The following LRRC37A2 variants were observed in gnomAD, a reference collection of about 807,000 sequenced individuals.
The protein encoded by LRRC37A2 is leucine-rich repeat-containing protein 37A2.
A neutral mutation model predicts 68.8 loss-of-function variants in LRRC37A2; 9 were observed. The observed-to-expected ratio is 0.13, with a 90% CI of 0.08 to 0.23. The LOEUF (loss-of-function observed/expected upper bound fraction) is 0.23, where lower values mean the gene tolerates loss of function less well. Among genes scored for constraint, LRRC37A2 ranks in the 10% least tolerant of loss-of-function variants. LRRC37A2 has a pLI of 1.00. For synonymous variants in LRRC37A2, 63 were observed against 367.6 expected (o/e 0.17, Z 9.48); for missense variants, 168 against 950.4 (o/e 0.18, Z 10.82).
chr17:46,848,932 G>GCA, the LRRC37A2 span, among the ~76,000 whole-genome samples: 7,589 of 146,272 alleles, frequency 0.052, 615 homozygotes, highest in African/African-American at 0.17. Flanking sequence ...GTGTGCACGT[G>GCA]CACACACACA....
At chr17:46,881,365 C>T in the LRRC37A2 span, among the ~76,000 whole-genome samples, 2 of 152,258 alleles carry the variant, frequency 1.3e-5, no homozygotes, top group Admixed American at 6.5e-5. Flanking sequence ...ATGACAGACA[C>T]GTCCACATGC....
chr17:46,823,182 A>ATAATATATT, the LRRC37A2 span, among the ~76,000 whole-genome samples: 2 of 127,868 alleles, frequency 1.6e-5, no homozygotes, highest in Non-Finnish European at 3.1e-5. Flanking sequence ...ATTTATATAT[A>ATAATATATT]ATATATTATA....
the LRRC37A2 span, among the ~76,000 whole-genome samples, chr17:46,846,253 G>A: frequency 1.6e-4 from 24 of 152,218 alleles, no homozygotes; most frequent in African/African-American, 5.8e-4. Context: ...GGCAGGGTTT[G>A]TAGCCATCAA....
chr17:46,679,140 A>T, the LRRC37A2 span, among the ~76,000 whole-genome samples: 3 of 152,044 alleles, frequency 2.0e-5, no homozygotes, highest in South Asian at 2.1e-4. Context: ...TTACCATAAA[A>T]ATCAGATTGT....
the LRRC37A2 span, chr17:47,027,440 CG>C: frequency 2.4e-5 from 14 of 579,928 alleles, no homozygotes; most frequent in Admixed American, 3.4e-4. Flanking sequence ...CAAGTCCAAA[CG>C]TTTAGAGTTG....
At chr17:46,855,688 C>T in the LRRC37A2 span, among the ~76,000 whole-genome samples, 1 of 152,186 alleles carries the variant, frequency 6.6e-6, no homozygotes, top group Admixed American at 6.5e-5. Context: ...GCCCAGTTAC[C>T]CAATCCAGTC....
chr17:46,837,707 A>G, the LRRC37A2 span, among the ~76,000 whole-genome samples: 2 of 151,944 alleles, frequency 1.3e-5, no homozygotes, highest in Admixed American at 1.3e-4. Flanking sequence ...TGCCTGGGGG[A>G]AGGTTTGGAG....
the LRRC37A2 span, among the ~76,000 whole-genome samples, chr17:47,003,588 C>T: frequency 0.66 from 100,113 of 152,196 alleles, 33,451 homozygotes; most frequent in East Asian, 0.82. Flanking sequence ...TGGAAGGATG[C>T]GTTTCTCACA....
At chr17:46,876,895 G>A in the LRRC37A2 span, 64 of 1,378,946 alleles carry the variant, frequency 4.6e-5, no homozygotes, top group Non-Finnish European at 5.8e-5. Context: ...TGCCTCCCTC[G>A]ATACTCAACA....
At chr17:46,956,508 G>A in the LRRC37A2 span, among the ~76,000 whole-genome samples, 1 of 151,866 alleles carries the variant, frequency 6.6e-6, no homozygotes, top group Admixed American at 6.6e-5. Flanking sequence ...CTACTGGTTG[G>A]CCAGGCTAGT....
the LRRC37A2 span, among the ~76,000 whole-genome samples, chr17:46,478,380 GT>G: frequency 2.0e-4 from 15 of 75,492 alleles, 1 homozygote; most frequent in Non-Finnish European, 4.2e-4. Context: ...CTTTGGTTTT[GT>G]TTTTTTTGCA....
At chr17:46,768,641 G>A in the LRRC37A2 span, 1 of 1,614,156 alleles carries the variant, frequency 6.2e-7, no homozygotes, top group Non-Finnish European at 8.5e-7. This position sits in a 1 kb window ranked among gnomAD's most constrained non-coding sequence, Gnocchi z 5.0. Context: ...GGGACTCACG[G>A]TGCTTCTCTA....
the LRRC37A2 span, chr17:46,875,499 C>A: frequency 8.1e-7 from 1 of 1,235,052 alleles, no homozygotes; most frequent in Non-Finnish European, 1.1e-6. Context: ...GCAGGATGAA[C>A]TTCACGTCTT....
At chr17:46,750,738 G>C in the LRRC37A2 span, among the ~76,000 whole-genome samples, 1 of 152,096 alleles carries the variant, frequency 6.6e-6, no homozygotes, top group Non-Finnish European at 1.5e-5. Context: ...GTGGTGGTGT[G>C]GGGGTAAGGT....
At chr17:46,800,539 C>G in the LRRC37A2 span, among the ~76,000 whole-genome samples, 3 of 152,228 alleles carry the variant, frequency 2.0e-5, no homozygotes, top group African/African-American at 7.2e-5. Flanking sequence ...GAAGACAAGA[C>G]AGATGCACAT....
At chr17:46,941,745 T>A in the LRRC37A2 span, 1 of 174,938 alleles carries the variant, frequency 5.7e-6, no homozygotes, top group Admixed American at 6.5e-5. Context: ...GGCTAATTTT[T>A]TTTTTTTTTT....
chr17:46,392,324 T>C, the LRRC37A2 span, among the ~76,000 whole-genome samples: 21 of 71,296 alleles, frequency 2.9e-4, 5 homozygotes, highest in Admixed American at 7.9e-4. Flanking sequence ...CCTCTCACCT[T>C]AGCCCCCTGA....
the LRRC37A2 span, among the ~76,000 whole-genome samples, chr17:46,783,048 AGGGGCTAGTTCATTCTCTCAAC>A: frequency 2.8e-4 from 43 of 152,142 alleles, no homozygotes; most frequent in African/African-American, 4.3e-4. Context: ...CCTTGCCATT[AGGGGCTAGTTCATTCTCTCAAC>A]GGGGCTAGTT....
the LRRC37A2 span, among the ~76,000 whole-genome samples, chr17:46,962,847 AT>A: frequency 6.6e-6 from 1 of 152,242 alleles, no homozygotes; most frequent in Admixed American, 6.5e-5. Context: ...GGGAGTAGTT[AT>A]GCAGTTATAG....
Sources: gnomAD v4.1 joint callset for allele counts (sites outside exome capture counted in the v4.1 genomes callset) on GRCh38, gnomAD v4.1.1 for gene constraint, Gnocchi (gnomAD v3.1) non-coding constraint, MANE v1.5 for transcripts, NCBI Gene and HGNC (gene_info 2026-07-23, HGNC 2026-07-21) for gene names.